The following SGCZ variants were observed in gnomAD, a reference collection of about 807,000 sequenced individuals.
SGCZ encodes sarcoglycan zeta, also known as zeta-sarcoglycan.
A neutral mutation model predicts 41.3 loss-of-function variants in SGCZ; 40 were observed. The ratio of observed to expected loss-of-function variants is 0.97; its 90% CI spans 0.75 to 1.26. The LOEUF is 1.26. Among genes scored for constraint, SGCZ ranks in the 50% most tolerant of loss-of-function variants. The pLI, the probability that SGCZ is intolerant of heterozygous loss-of-function variation, is 0.00. For missense variants in SGCZ, 552 were observed against 369.8 expected (o/e 1.49, Z -4.04); for synonymous variants, 206 against 137.5 (o/e 1.50, Z -3.49).
Position 14,829,759 on chromosome 8 carries a change from A to T in SGCZ, c.40-274833T>A, listed in dbSNP as rs188107047. Among the ~76,000 whole-genome samples, 729 of 145,558 alleles carry T rather than the reference A, an allele frequency of 5.0e-3. 5 individuals are homozygous for T. Among genetic ancestry groups the T allele is most frequent in the South Asian group, 0.017 (80 of 4,690 alleles). On this transcript the variant is annotated intron_variant, in intron 1 of 7. Coordinates refer to ENST00000382080, the MANE Select transcript of SGCZ (RefSeq NM_139167.4). Reference sequence around the variant, plus strand: ...TAACTGATTATTTAAGGGTTTTTTTAAAAAAAATCATAAAACTTGTAAAGA... The same window carrying T: ...TAACTGATTATTTAAGGGTTTTTTTTAAAAAAATCATAAAACTTGTAAAGA...
At chr8:14,554,565 G>T (rs1158320462) in intron 2 of SGCZ, among the ~76,000 whole-genome samples, 167 bp downstream of exon 2, 2 of 151,974 alleles carry the variant, frequency 1.3e-5, no homozygotes, top group Non-Finnish European at 2.9e-5. Flanking sequence ...TGTCAGGACT[G>T]AACCTACTGA....
At chr8:14,880,962 A>C (rs569793420) in intron 1 of SGCZ, among the ~76,000 whole-genome samples, 1 of 152,196 alleles carries the variant, frequency 6.6e-6, no homozygotes, top group Admixed American at 6.5e-5. Context: ...AATAAAAAAA[A>C]AAGAAATATA....
intron 1 of SGCZ, among the ~76,000 whole-genome samples, chr8:14,983,740 G>A (rs1294276669): frequency 6.6e-6 from 1 of 152,104 alleles, no homozygotes; most frequent in African/African-American, 2.4e-5. Flanking sequence ...GAGGCTCAGT[G>A]GCTTTCCTAA....
At chr8:14,456,976 G>T (rs60400737) in intron 2 of SGCZ, among the ~76,000 whole-genome samples, 2,569 of 152,224 alleles carry the variant, frequency 0.017, 89 homozygotes, top group African/African-American at 0.059. Flanking sequence ...AGCCTTGTGA[G>T]GCCTCCCAGA....
intron 1 of SGCZ, among the ~76,000 whole-genome samples, chr8:14,701,935 C>G (rs1809151189): frequency 6.6e-6 from 1 of 151,862 alleles, no homozygotes; most frequent in Non-Finnish European, 1.5e-5. Context: ...AATAAACCTC[C>G]CTTCATCCAC....
chr8:15,106,131 T>C (rs1324072900), intron 1 of SGCZ, among the ~76,000 whole-genome samples: 3 of 152,182 alleles, frequency 2.0e-5, no homozygotes, highest in African/African-American at 7.2e-5. Flanking sequence ...AAAAATATTC[T>C]TTGGTTAATT....
intron 1 of SGCZ, among the ~76,000 whole-genome samples, chr8:14,644,349 C>T (rs150040272): frequency 5.1e-4 from 78 of 151,854 alleles, no homozygotes; most frequent in African/African-American, 1.8e-3. Context: ...TGGATCAAGG[C>T]TGAAATCTAG....
At chr8:14,184,562 G>C (rs1221815635) in intron 4 of SGCZ, among the ~76,000 whole-genome samples, 2 of 152,124 alleles carry the variant, frequency 1.3e-5, no homozygotes, top group Non-Finnish European at 2.9e-5. Context: ...ACTGTACAGA[G>C]CTGATAAAGC....
At chr8:15,219,611 A>G (rs1801524094) in intron 1 of SGCZ, among the ~76,000 whole-genome samples, 2 of 152,204 alleles carry the variant, frequency 1.3e-5, no homozygotes, top group Non-Finnish European at 2.9e-5. Context: ...ATTATTCAAT[A>G]GCAGAAGTGG....
intron 1 of SGCZ, among the ~76,000 whole-genome samples, chr8:15,220,385 T>C (rs1333478341): frequency 6.6e-6 from 1 of 152,114 alleles, no homozygotes; most frequent in Admixed American, 6.6e-5. Context: ...CCCACAACAA[T>C]GGCTCACTGG....
chr8:15,000,601 T>G (rs1183383103), intron 1 of SGCZ, among the ~76,000 whole-genome samples: 1 of 152,106 alleles, frequency 6.6e-6, no homozygotes, highest in African/African-American at 2.4e-5. Flanking sequence ...CATCTTCGCT[T>G]CTCTTTGCCA....
intron 1 of SGCZ, among the ~76,000 whole-genome samples, chr8:15,021,518 G>A (rs1803247718): frequency 6.6e-6 from 1 of 152,182 alleles, no homozygotes; most frequent in Admixed American, 6.5e-5. Context: ...GAATTAACAA[G>A]GCTTACTTAC....
intron 1 of SGCZ, among the ~76,000 whole-genome samples, chr8:14,575,932 A>AAAAAAAAAG (rs1563126402): frequency 2.2e-4 from 30 of 136,494 alleles, no homozygotes; most frequent in Non-Finnish European, 2.9e-4. Flanking sequence ...AAAAAAAAAA[A>AAAAAAAAAG]AAAGAAAGAA....
intron 2 of SGCZ, among the ~76,000 whole-genome samples, chr8:14,513,382 C>T (rs542612580): frequency 1.3e-5 from 2 of 152,116 alleles, no homozygotes; most frequent in East Asian, 3.9e-4. Context: ...TTTTACTATA[C>T]TGTTGTGTTA....
intron 1 of SGCZ, among the ~76,000 whole-genome samples, chr8:15,160,915 C>CGTAA (rs1799493751): frequency 6.6e-6 from 1 of 152,272 alleles, no homozygotes; most frequent in East Asian, 1.9e-4. Flanking sequence ...AGTACACTGG[C>CGTAA]GTAATCTGGT....
intron 6 of SGCZ, among the ~76,000 whole-genome samples, chr8:14,107,230 A>AT (rs1242061050): frequency 7.7e-6 from 1 of 129,660 alleles, no homozygotes; most frequent in African/African-American, 2.9e-5. Flanking sequence ...ATAAAAATAA[A>AT]AAAATAAATA....
chr8:14,652,529 G>A lies in SGCZ; in HGVS notation c.40-97603C>T, dbSNP rs529666452. Among the ~76,000 whole-genome samples, 168 of 151,986 alleles carry A rather than the reference G, an allele frequency of 1.1e-3. 1 individual carries two copies. Among genetic ancestry groups the A allele is most frequent in the Non-Finnish European group, 2.1e-3 (140 of 67,992 alleles). ...GCAATGAGTAAATTCTATGTATGCA[G>A]AGCTGCAATTTGTTCAGTGAATTCC... On this transcript the variant is annotated intron_variant, in intron 1 of 7. Transcript: ENST00000382080.
chr8:14,204,715 C>T (rs1183685166), intron 4 of SGCZ, among the ~76,000 whole-genome samples: 1 of 152,086 alleles, frequency 6.6e-6, no homozygotes, highest in Non-Finnish European at 1.5e-5. Flanking sequence ...AAAACCAGAT[C>T]CTTTATTTTT....
intron 1 of SGCZ, among the ~76,000 whole-genome samples, chr8:15,208,894 C>CATACATAT (rs1554477912): frequency 6.8e-6 from 1 of 146,144 alleles, no homozygotes; most frequent in Non-Finnish European, 1.5e-5. Flanking sequence ...TATCCCTATA[C>CATACATAT]ATATATATAG....
Sources: gnomAD v4.1 joint callset for allele counts (sites outside exome capture counted in the v4.1 genomes callset) on GRCh38, gnomAD v4.1.1 for gene constraint, MANE v1.5 for transcripts, NCBI Gene and HGNC (gene_info 2026-07-23, HGNC 2026-07-21) for gene names.